Variants in PPM1H observed in about 807,000 individuals in gnomAD.
PPM1H encodes the protein protein phosphatase 1H.
Under a neutral mutation model 54.9 loss-of-function variants are expected in PPM1H, and 27 were observed. That is an observed-to-expected ratio of 0.49 (90% confidence interval 0.36 to 0.68). PPM1H has a LOEUF of 0.68. Among genes scored for constraint, PPM1H ranks in the 30% least tolerant of loss-of-function variants. PPM1H has a pLI of 0.00. For missense variants in PPM1H, 596 were observed against 667.8 expected (o/e 0.89, Z 1.19); for synonymous variants, 305 against 270.8 (o/e 1.13, Z -1.24).
At chr12:62,845,233 G>A (rs1180078290) in intron 1 of PPM1H, among the ~76,000 whole-genome samples, 1 of 152,200 alleles carries the variant, frequency 6.6e-6, no homozygotes, top group Non-Finnish European at 1.5e-5. Flanking sequence ...GCCATGCAAT[G>A]AGTTACCTCA....
intron 8 of PPM1H, among the ~76,000 whole-genome samples, chr12:62,672,481 A>C (rs1420860646): frequency 6.6e-6 from 1 of 152,200 alleles, no homozygotes; most frequent in Non-Finnish European, 1.5e-5. Context: ...AATCACTTGG[A>C]GTGCTACCTT....
intron 4 of PPM1H, among the ~76,000 whole-genome samples, chr12:62,773,010 T>C (rs971024252): frequency 6.6e-6 from 1 of 152,072 alleles, no homozygotes; most frequent in African/African-American, 2.4e-5. Flanking sequence ...TAGCTGGGCA[T>C]GGTGGCGCGC....
intron 4 of PPM1H, among the ~76,000 whole-genome samples, chr12:62,770,164 T>A (rs1435713317): frequency 6.6e-6 from 1 of 152,040 alleles, no homozygotes; most frequent in Non-Finnish European, 1.5e-5. Context: ...TTACTAATGA[T>A]AATTATTATG....
intron 1 of PPM1H, among the ~76,000 whole-genome samples, chr12:62,893,676 C>G (rs1870880640): frequency 6.6e-6 from 1 of 151,900 alleles, no homozygotes; most frequent in Admixed American, 6.6e-5. Flanking sequence ...CAGGTAAAGA[C>G]AAGGTTTACC....
At chr12:62,924,278 A>G (rs980173668) in intron 1 of PPM1H, among the ~76,000 whole-genome samples, 1 of 152,166 alleles carries the variant, frequency 6.6e-6, no homozygotes, top group African/African-American at 2.4e-5. Flanking sequence ...TAAAAAGGTG[A>G]CTCACTTAAT....
chr12:62,864,810 G>A (rs1196577339), intron 1 of PPM1H, among the ~76,000 whole-genome samples: 6 of 152,172 alleles, frequency 3.9e-5, no homozygotes, highest in Non-Finnish European at 7.3e-5. Flanking sequence ...TGCAACTCAA[G>A]TTCCCTTAAG....
intron 1 of PPM1H, among the ~76,000 whole-genome samples, chr12:62,885,859 G>T (rs1870568916): frequency 6.6e-6 from 1 of 152,194 alleles, no homozygotes; most frequent in Non-Finnish European, 1.5e-5. Context: ...ATGTTGCTAT[G>T]TTGAATTTGC....
intron 1 of PPM1H, among the ~76,000 whole-genome samples, chr12:62,900,598 T>TA (rs111525770): frequency 0.017 from 2,359 of 136,834 alleles, 58 homozygotes; most frequent in African/African-American, 0.056. Context: ...TACCAGTAGT[T>TA]AAAAAAAAAA....
intron 6 of PPM1H, among the ~76,000 whole-genome samples, chr12:62,718,894 A>C (rs2076249338): frequency 6.6e-6 from 1 of 152,234 alleles, no homozygotes; most frequent in African/African-American, 2.4e-5. Context: ...CATATTTTAG[A>C]GCAGGGGTAA....
Position 62,669,481 on chromosome 12 carries a change from G to A in PPM1H, c.1246-2152C>T, listed in dbSNP as rs186323640. Among the ~76,000 whole-genome samples, 236 of 152,214 alleles carry A rather than the reference G, an allele frequency of 1.6e-3. 1 individual carries two copies. Among genetic ancestry groups the A allele is most frequent in the Middle Eastern group, 6.8e-3 (2 of 294 alleles). On this transcript the variant is annotated intron_variant, in intron 8 of 9. Transcript: ENST00000228705. ...GCTGCAGGTTCACAGACCGGGCCCC[G>A]AGTAGCAAGGCCAGAGAGGATTCCT... is the stretch of plus-strand genomic sequence containing the variant.
At chr12:62,710,153 G>A (rs1445921530) in intron 6 of PPM1H, among the ~76,000 whole-genome samples, 2 of 151,966 alleles carry the variant, frequency 1.3e-5, no homozygotes, top group East Asian at 1.9e-4. Flanking sequence ...TCCTTCCTAC[G>A]CAAGGACATG....
chr12:62,756,732 C>T (rs558332026), intron 4 of PPM1H, among the ~76,000 whole-genome samples: 166 of 151,620 alleles, frequency 1.1e-3, no homozygotes, highest in African/African-American at 3.8e-3. Context: ...CACTGAATCT[C>T]GGAGGAGCCA....
intron 2 of PPM1H, among the ~76,000 whole-genome samples, chr12:62,813,005 C>T (rs1173881784): frequency 6.6e-6 from 1 of 151,846 alleles, no homozygotes; most frequent in African/African-American, 2.4e-5. Context: ...GCTACATCAA[C>T]GTGCACCTGA....
At chr12:62,710,187 C>A (rs770333310) in intron 6 of PPM1H, among the ~76,000 whole-genome samples, 9 of 152,104 alleles carry the variant, frequency 5.9e-5, no homozygotes, top group Non-Finnish European at 1.0e-4. Flanking sequence ...TGGGCTTGAC[C>A]CTCCCAGCTT....
In PPM1H at chr12:62,785,271, T is replaced by C. The variant is rs567044826; in HGVS notation, c.869+2955A>G. On this transcript the variant is annotated intron_variant, in intron 4 of 9. Transcript: ENST00000228705. ...GGCTCACTGCAACCTCTGCCTCCCA[T>C]GTTCAAGTGATTCTCCTGCCTCAGC... Among the ~76,000 whole-genome samples the C allele has an allele frequency of 3.9e-5, 6 of 152,244 alleles. No individual in the cohort carries two copies. The East Asian group carries it at 5.8e-4, about 15-fold the overall frequency.
intron 4 of PPM1H, among the ~76,000 whole-genome samples, chr12:62,751,327 A>G (rs2076441178): frequency 6.6e-6 from 1 of 152,196 alleles, no homozygotes; most frequent in Admixed American, 6.5e-5. Context: ...GAGTAAACAC[A>G]ATTCAAGGGG....
chr12:62,810,071 T>A (rs188726495), intron 2 of PPM1H, among the ~76,000 whole-genome samples: 10 of 152,248 alleles, frequency 6.6e-5, no homozygotes, highest in Non-Finnish European at 1.0e-4. Flanking sequence ...GCTCTGGTAT[T>A]CCCAATGAGT....
intron 2 of PPM1H, among the ~76,000 whole-genome samples, chr12:62,802,708 T>C (rs2076778552): frequency 6.6e-6 from 1 of 151,852 alleles, no homozygotes; most frequent in Admixed American, 6.6e-5. Flanking sequence ...GCCTCTGGAG[T>C]AGCTGGGACT....
chr12:62,790,610 G>C (rs952341836), intron 3 of PPM1H, among the ~76,000 whole-genome samples: 1 of 151,264 alleles, frequency 6.6e-6, no homozygotes, highest in African/African-American at 2.4e-5. Flanking sequence ...CCAGTAAATA[G>C]AGAAAAAACA....
Sources: gnomAD v4.1 joint callset for allele counts (sites outside exome capture counted in the v4.1 genomes callset) on GRCh38, gnomAD v4.1.1 for gene constraint, MANE v1.5 for transcripts, NCBI Gene and HGNC (gene_info 2026-07-23, HGNC 2026-07-21) for gene names.